Variants in DOCK9 observed in about 807,000 individuals in gnomAD.
DOCK9 encodes dedicator of cytokinesis 9.
In DOCK9, 89 loss-of-function variants were observed where a neutral mutation model predicts 263.3. That is an observed-to-expected ratio of 0.34 (90% CI 0.28 to 0.40). The LOEUF (loss-of-function observed/expected upper bound fraction) is 0.40, where lower values mean the gene tolerates loss of function less well. Ranked by LOEUF, DOCK9 falls within the 10% of genes least tolerant of loss-of-function variation. The pLI is 1.00. For synonymous variants in DOCK9, 976 were observed against 973.1 expected (o/e 1.00, Z -0.06); for missense variants, 2,140 against 2,603.4 (o/e 0.82, Z 3.87).
intron 1 of DOCK9, among the ~76,000 whole-genome samples, chr13:99,027,025 T>C (rs1019151629): frequency 2.6e-5 from 4 of 151,834 alleles, no homozygotes; most frequent in Admixed American, 6.5e-5. Context: ...TTGTTGTTGT[T>C]GTTGTCGTTG....
intron 2 of DOCK9, among the ~76,000 whole-genome samples, chr13:98,945,108 T>A (rs531463798): frequency 1.3e-5 from 2 of 152,354 alleles, no homozygotes; most frequent in Non-Finnish European, 2.9e-5. Context: ...ATATTTCTAA[T>A]AAGAAAGCTT....
At chr13:99,014,020 C>G (rs984828996) in intron 1 of DOCK9, among the ~76,000 whole-genome samples, 1 of 152,226 alleles carries the variant, frequency 6.6e-6, no homozygotes, top group African/African-American at 2.4e-5. Context: ...GAGCAGCCGA[C>G]AGGATGCATG....
At position 98,825,948 on chromosome 13, in the gene DOCK9, T is replaced by C; in HGVS notation, c.5023+882A>G. 1 of 1,535,714 alleles carries C rather than the reference T, an allele frequency of 6.5e-7. No homozygotes were observed. Among genetic ancestry groups the C allele is most frequent in the South Asian group, 1.3e-5 (1 of 77,828 alleles). ...GCTCCCACTGGACTGCTTCTAAACATGAGGAAATGCATCACCTGATAAAAG... is the reference window on the plus strand; with the variant it reads ...GCTCCCACTGGACTGCTTCTAAACACGAGGAAATGCATCACCTGATAAAAG... On this transcript the variant is annotated intron_variant, in intron 44 of 52. Transcript: ENST00000682017. This position sits in a 1 kb window ranked among gnomAD's most constrained non-coding sequence, Gnocchi z 4.1.
intron 45 of DOCK9, among the ~76,000 whole-genome samples, chr13:98,820,881 C>G (rs1341520337): frequency 1.3e-5 from 2 of 152,148 alleles, no homozygotes; most frequent in Non-Finnish European, 2.9e-5. Context: ...ATTTTCCTAG[C>G]CCTCACTCAA....
intron 18 of DOCK9, 72 bp downstream of exon 18, chr13:98,888,086 T>C: frequency 1.0e-6 from 1 of 990,084 alleles, no homozygotes; most frequent in Non-Finnish European, 1.5e-6. Flanking sequence ...AGTTGTACGG[T>C]ATCATGAAAG....
chr13:98,828,977 G>A (rs1450895270), intron 43 of DOCK9, among the ~76,000 whole-genome samples: 1 of 152,180 alleles, frequency 6.6e-6, no homozygotes, highest in Non-Finnish European at 1.5e-5. Flanking sequence ...TAAATAACAG[G>A]AGGAATTCAT....
intron 32 of DOCK9, among the ~76,000 whole-genome samples, chr13:98,861,360 C>T (rs1384438090): frequency 2.0e-5 from 3 of 152,148 alleles, no homozygotes; most frequent in Non-Finnish European, 4.4e-5. Context: ...ATACATGAGA[C>T]TCTGCAAGTG....
intron 1 of DOCK9, among the ~76,000 whole-genome samples, chr13:99,032,530 C>T (rs1268973341): frequency 1.3e-5 from 2 of 151,716 alleles, no homozygotes; most frequent in Admixed American, 6.6e-5. Context: ...ATATACGCAC[C>T]CCTAAAACCC....
chr13:98,904,804 C>T lies in DOCK9; in HGVS notation c.961-98G>A, dbSNP rs2139569138. 7 of 1,073,016 alleles carry T rather than the reference C, an allele frequency of 6.5e-6. No individual in the cohort carries two copies. In the South Asian group the frequency reaches 9.3e-5, roughly 14 times the overall value. The allele number at this position is 1,073,016 out of a possible 1,614,324, so 66.5% of individuals were successfully genotyped here. A position where few individuals can be genotyped will look rare whatever the true frequency, so the allele number is the denominator to read the frequency against. ...AGCTGCCCAGTCCTGAAGGTTGAGG[C>T]TGCTGGAAAGCTCTGCCTCGTGTTG... On this transcript the variant is annotated intron_variant, in intron 9 of 52. Transcript: ENST00000682017.
chr13:98,888,490 G>C lies in DOCK9; in HGVS notation c.1847C>G (p.Pro616Arg). 6.2e-7 allele frequency: 1 copy of C among 1,613,890 alleles called. No individual in the cohort carries two copies. Residue 616 changes from proline to arginine, a missense_variant, in exon 17 of 53, where the codon CCC becomes CGC. Pro to Arg is a moderately radical substitution (Grantham distance 103). Transcript: ENST00000682017. ...AAATTCCTCCACTTCAAACGTGATG[G>C]GAGTTTTACTGCAGGTTTCAAATTG... ...TKQFETCSKTPITFEVEEFVP... is the reference protein window; with the variant it reads ...TKQFETCSKTRITFEVEEFVP...
intron 1 of DOCK9, among the ~76,000 whole-genome samples, chr13:98,971,462 CT>C (rs61283038): frequency 3.1e-5 from 2 of 64,968 alleles, no homozygotes; most frequent in African/African-American, 8.7e-5. Context: ...AGTCCCAGCA[CT>C]TTGGGAGGCC....
At chr13:98,928,452 C>T (rs1455771591) in intron 3 of DOCK9, among the ~76,000 whole-genome samples, 1 of 152,136 alleles carries the variant, frequency 6.6e-6, no homozygotes. Context: ...ATGTTGGCTC[C>T]AGCAGCATAG....
At chr13:98,949,965 T>C in intron 2 of DOCK9, 2 of 493,240 alleles carry the variant, frequency 4.1e-6, no homozygotes, top group South Asian at 3.1e-5. Flanking sequence ...AGGGATGGTC[T>C]CATTCTTGAC....
intron 1 of DOCK9, among the ~76,000 whole-genome samples, chr13:99,008,055 G>A (rs748591967): frequency 5.7e-4 from 87 of 151,678 alleles, no homozygotes; most frequent in Non-Finnish European, 7.4e-4. Context: ...TTTATAATTG[G>A]AAAGGAAAAT....
chr13:98,897,688 T>A (rs950183291), intron 14 of DOCK9, 78 bp from the exon 15 acceptor site: 1 of 1,556,924 alleles, frequency 6.4e-7, no homozygotes, highest in Non-Finnish European at 8.7e-7. Flanking sequence ...CTAGTTTCTA[T>A]GAGAAGTCTA....
chr13:99,010,931 T>A (rs1284309823), intron 1 of DOCK9, among the ~76,000 whole-genome samples: 1 of 152,242 alleles, frequency 6.6e-6, no homozygotes, highest in Non-Finnish European at 1.5e-5. Flanking sequence ...AGGGTCTCAC[T>A]CAGTCGCCCA....
At chr13:98,868,067 G>T in intron 28 of DOCK9, 56 bp from the exon 29 acceptor site, 3 of 1,571,946 alleles carry the variant, frequency 1.9e-6, no homozygotes, top group Non-Finnish European at 2.6e-6. Flanking sequence ...TCGGAAATTT[G>T]GATTCAAAGC....
At chr13:98,902,640 G>A (rs373645516) in intron 11 of DOCK9, 149 bp from the exon 12 acceptor site, 1 of 760,632 alleles carries the variant, frequency 1.3e-6, no homozygotes, top group East Asian at 2.7e-5. Context: ...CAGAGAATTA[G>A]CTTATAAAAC....
intron 1 of DOCK9, among the ~76,000 whole-genome samples, chr13:99,062,225 C>T (rs1049111972): frequency 6.6e-6 from 1 of 152,106 alleles, no homozygotes; most frequent in East Asian, 1.9e-4. Context: ...ATCTGACAAG[C>T]CAACTTCTTA....
Sources: gnomAD v4.1 joint callset for allele counts (sites outside exome capture counted in the v4.1 genomes callset) on GRCh38, gnomAD v4.1.1 for gene constraint, Gnocchi (gnomAD v3.1) non-coding constraint, MANE v1.5 for transcripts, NCBI Gene and HGNC (gene_info 2026-07-23, HGNC 2026-07-21) for gene names.